The following LRRC9 variants were observed in gnomAD, a reference collection of about 807,000 sequenced individuals.
The protein encoded by LRRC9 is leucine-rich repeat-containing protein 9.
LRRC9 carries 122 observed loss-of-function variants against 63.2 expected under a neutral mutation model. That is an observed-to-expected ratio of 1.93 (90% CI 1.67 to 2.24). The LOEUF (loss-of-function observed/expected upper bound fraction) is 2.24, where lower values mean the gene tolerates loss of function less well. LRRC9 is among the 30% of genes most tolerant of loss of function. The probability of loss-of-function intolerance (pLI) is 0.00; values close to 1 mark genes in which losing one functional copy is unlikely to be tolerated. For missense variants in LRRC9, 1,071 were observed against 627.7 expected (o/e 1.71, Z -7.55); for synonymous variants, 366 against 213.1 (o/e 1.72, Z -6.25).
At chr14:59,937,891 C>CA (rs1028300529) in intron 6 of LRRC9, among the ~76,000 whole-genome samples, 7 of 151,310 alleles carry the variant, frequency 4.6e-5, no homozygotes, top group African/African-American at 9.7e-5. Flanking sequence ...ACAAAACAAA[C>CA]AAAAAAAACA....
intron 17 of LRRC9, among the ~76,000 whole-genome samples, chr14:59,995,551 C>T (rs2140174721): frequency 6.6e-6 from 1 of 152,142 alleles, no homozygotes; most frequent in African/African-American, 2.4e-5. Context: ...CTGTACTGTA[C>T]TGTAACTTGA....
At chr14:60,055,044 G>A (rs569392070) in intron 30 of LRRC9, among the ~76,000 whole-genome samples, 1 of 152,322 alleles carries the variant, frequency 6.6e-6, no homozygotes, top group East Asian at 1.9e-4. Flanking sequence ...ACAGGCTTGA[G>A]CCATTGCACC....
chr14:60,028,179 A>T (rs1300969445), intron 28 of LRRC9, 78 bp downstream of exon 28: 2 of 620,562 alleles, frequency 3.2e-6, no homozygotes, highest in African/African-American at 1.8e-5. Flanking sequence ...TTCCAAACAC[A>T]TCAATGAAAA....
intron 26 of LRRC9, among the ~76,000 whole-genome samples, chr14:60,020,020 A>T (rs1890999664): frequency 6.6e-6 from 1 of 152,006 alleles, no homozygotes; most frequent in Middle Eastern, 3.4e-3. Context: ...TGTAAAGTTT[A>T]ATGAATTTTG....
intron 27 of LRRC9, among the ~76,000 whole-genome samples, chr14:60,024,324 G>A (rs866636476): frequency 6.6e-6 from 1 of 152,046 alleles, no homozygotes; most frequent in Non-Finnish European, 1.5e-5. Context: ...TATAGAGCCA[G>A]GACCAAAGTA....
chr14:59,990,543 C>CTACA lies in LRRC9; in HGVS notation c.2211+5320_2211+5323dup, dbSNP rs1256927048. On this transcript the variant is annotated intron_variant, in intron 17 of 31. Transcript: ENST00000445360. This position sits in a 1 kb window ranked among gnomAD's most constrained non-coding sequence, Gnocchi z 4.2. ...GCCTCAGCCTCCTGGGTAGCTGGAACTACAGGTGCATGCCACCACACCCTG... is the reference window on the plus strand; with the variant it reads ...GCCTCAGCCTCCTGGGTAGCTGGAACTACATACAGGTGCATGCCACCACACCCTG... Among the ~76,000 whole-genome samples the CTACA allele has an allele frequency of 6.6e-6, 1 of 151,412 alleles. No individual in the cohort carries two copies. The highest frequency in any genetic ancestry group is 1.5e-5 in the Non-Finnish European group (1 of 67,848).
intron 6 of LRRC9, among the ~76,000 whole-genome samples, chr14:59,937,450 C>G (rs1464249334): frequency 6.6e-6 from 1 of 152,132 alleles, no homozygotes; most frequent in African/African-American, 2.4e-5. Flanking sequence ...GGAGGAACAT[C>G]TATCCCAACG....
At chr14:60,039,824 C>G (rs1170316276) in intron 29 of LRRC9, among the ~76,000 whole-genome samples, 2 of 152,056 alleles carry the variant, frequency 1.3e-5, no homozygotes, top group African/African-American at 4.8e-5. Context: ...CGTGTTTGCT[C>G]TTGCTTCTCT....
chr14:59,938,435 CT>C lies in LRRC9; in HGVS notation c.590del (p.Leu197ArgfsTer50). ...GCTGCCTTGCTTAAAGGATTTATGTCTGAATGACCCTCAATATACAACCAAT... is the reference window on the plus strand; with the variant it reads ...GCTGCCTTGCTTAAAGGATTTATGTCGAATGACCCTCAATATACAACCAAT... On this transcript the variant is annotated frameshift_variant, in exon 7 of 32. Coordinates refer to ENST00000445360, the Ensembl canonical transcript of LRRC9. LOFTEE classifies it high-confidence loss of function. This position sits in a 1 kb window ranked among gnomAD's most constrained non-coding sequence, Gnocchi z 4.2. The C allele has an allele frequency of 1.4e-6, 1 of 696,408 alleles. No individual in the cohort carries two copies. Among genetic ancestry groups the C allele is most frequent in the Non-Finnish European group, 2.6e-6 (1 of 382,082 alleles). The allele number at this position is 696,408 out of a possible 1,614,324, so 43.1% of individuals were successfully genotyped here. A position where few individuals can be genotyped will look rare whatever the true frequency, so the allele number is the denominator to read the frequency against.
At chr14:60,054,270 A>G (rs1894112009) in intron 30 of LRRC9, among the ~76,000 whole-genome samples, 1 of 152,138 alleles carries the variant, frequency 6.6e-6, no homozygotes, top group South Asian at 2.1e-4. Context: ...AGCTAACTGT[A>G]TGTCAGTTCT....
rs77784810 is a variant in LRRC9, at chr14:60,051,891, T to C, written c.3991-1174T>C. 6.0e-4 allele frequency among the ~76,000 whole-genome samples: 91 copies of C among 152,264 alleles called. 1 individual carries two copies. In the East Asian group the frequency reaches 0.017, roughly 28 times the overall value. ...GAGAAGCGTGGTTTCCTGGGCACGATAGCACACTCACCGCTTCCCTTGGCT... is the reference window on the plus strand; with the variant it reads ...GAGAAGCGTGGTTTCCTGGGCACGACAGCACACTCACCGCTTCCCTTGGCT... On this transcript the variant is annotated intron_variant, in intron 29 of 31. Transcript: ENST00000445360. The surrounding 1 kb of genome is among the most constrained non-coding windows in gnomAD (Gnocchi z 4.7).
chr14:59,941,870 C>T (rs1219371985), intron 7 of LRRC9, among the ~76,000 whole-genome samples: 1 of 152,128 alleles, frequency 6.6e-6, no homozygotes, highest in African/African-American at 2.4e-5. Context: ...ACCATATTCA[C>T]CCTGCAGTGC....
intron 23 of LRRC9, 64 bp downstream of exon 23, chr14:60,008,278 A>C: frequency 3.5e-6 from 2 of 577,112 alleles, no homozygotes; most frequent in Non-Finnish European, 3.1e-6. Context: ...TATAGGACAT[A>C]GTCATTTTGA....
intron 3 of LRRC9, among the ~76,000 whole-genome samples, chr14:59,929,681 C>A (rs1889523456): frequency 6.6e-6 from 1 of 152,086 alleles, no homozygotes; most frequent in Non-Finnish European, 1.5e-5. Context: ...ACCTAAATGC[C>A]CATCAGTAGT....
chr14:60,022,862 T>C (rs758526295), exon 27 of LRRC9: 1 of 669,212 alleles, frequency 1.5e-6, no homozygotes, highest in Non-Finnish European at 2.7e-6. Flanking sequence ...AAATTCCTCT[T>C]TCTACAGGGT....
intron 8 of LRRC9, among the ~76,000 whole-genome samples, chr14:59,948,299 G>T (rs1262527689): frequency 5.3e-5 from 7 of 133,226 alleles, no homozygotes; most frequent in East Asian, 2.4e-4. Flanking sequence ...TCATGATTTG[G>T]CTCTCTGTTT....
At chr14:60,054,472 G>A (rs1027692909) in intron 30 of LRRC9, among the ~76,000 whole-genome samples, 3 of 151,968 alleles carry the variant, frequency 2.0e-5, no homozygotes, top group African/African-American at 4.8e-5. Context: ...TGAAGAAAAT[G>A]ATAAAAATGC....
Position 60,051,253 on chromosome 14 carries a change from T to C in LRRC9, c.3991-1812T>C, listed in dbSNP as rs1595115557. Among the ~76,000 whole-genome samples the C allele has an allele frequency of 6.6e-6, 1 of 152,038 alleles. No individual in the cohort carries two copies. On this transcript the variant is annotated intron_variant, in intron 29 of 31. Coordinates refer to ENST00000445360, the Ensembl canonical transcript of LRRC9. This position sits in a 1 kb window ranked among gnomAD's most constrained non-coding sequence, Gnocchi z 4.7. ...GTTCCATCCCAGGGAGAGATCAGGGTTCAGTGCATATAAGACTGGCTGGAG... is the reference window on the plus strand; with the variant it reads ...GTTCCATCCCAGGGAGAGATCAGGGCTCAGTGCATATAAGACTGGCTGGAG...
intron 23 of LRRC9, among the ~76,000 whole-genome samples, chr14:60,011,355 G>C (rs1890245598): frequency 6.6e-6 from 1 of 152,072 alleles, no homozygotes; most frequent in Non-Finnish European, 1.5e-5. Flanking sequence ...CTCCCACTGG[G>C]TCCCTCCCAC....
Sources: gnomAD v4.1 joint callset for allele counts (sites outside exome capture counted in the v4.1 genomes callset) on GRCh38, gnomAD v4.1.1 for gene constraint, Gnocchi (gnomAD v3.1) non-coding constraint, MANE v1.5 for transcripts, NCBI Gene and HGNC (gene_info 2026-07-23, HGNC 2026-07-21) for gene names.